The following ALDH16A1 variants were observed in gnomAD, a reference collection of about 807,000 sequenced individuals.
The protein encoded by ALDH16A1 is aldehyde dehydrogenase 16 family member A1, also known as aldehyde dehydrogenase family 16 member A1.
Under a neutral mutation model 96.1 loss-of-function variants are expected in ALDH16A1, and 88 were observed. The ratio of observed to expected loss-of-function variants is 0.92; its 90% CI spans 0.77 to 1.09. The LOEUF is 1.09. Among genes scored for constraint, ALDH16A1 ranks in the 50% least tolerant of loss-of-function variants. The pLI is 0.00. For missense variants in ALDH16A1, 1,250 were observed against 1,112.6 expected (o/e 1.12, Z -1.76); for synonymous variants, 522 against 496.4 (o/e 1.05, Z -0.69).
Position 49,461,794 on chromosome 19 carries a change from C to T in ALDH16A1, c.753C>T (p.Ala251=). Residue 251 remains alanine, a synonymous_variant, in exon 6 of 17, where the codon GCC becomes GCT. Transcript: ENST00000293350. The stretch of plus-strand genomic sequence containing the variant: ...TCCGGAAGGTGGCCTTCTGCGGAGC[C>T]CCGGAGGTACCTTCGGGACAGGGGT... The part of the protein sequence containing the change: ...PGIRKVAFCG[A]PEEGRALRRS... The T allele has an allele frequency of 1.2e-6, 2 of 1,610,804 alleles. No homozygotes were observed. Among genetic ancestry groups the T allele is most frequent in the South Asian group, 1.1e-5 (1 of 90,640 alleles).
chr19:49,468,695 C>A lies in ALDH16A1; in HGVS notation c.2124+129C>A. Reference sequence around the variant, plus strand: ...GTACCCATGCTGCCCCCAGCCCCAGCACCCAAACCTTCACTCCTTGGGGAC... The same window carrying A: ...GTACCCATGCTGCCCCCAGCCCCAGAACCCAAACCTTCACTCCTTGGGGAC... On this transcript the variant is annotated intron_variant, in intron 15 of 16. Transcript: ENST00000293350. This position sits in a 1 kb window ranked among gnomAD's most constrained non-coding sequence, Gnocchi z 4.4. 2 of 1,376,840 alleles carry A rather than the reference C, an allele frequency of 1.5e-6. No individual in the cohort carries two copies. Among genetic ancestry groups the A allele is most frequent in the Non-Finnish European group, 2.0e-6 (2 of 1,014,942 alleles). 85.3% of individuals were successfully genotyped at this position (1,376,840 alleles called of 1,614,324 possible).
At chr19:49,464,284 C>T (rs748810234) in intron 10 of ALDH16A1, 21 bp downstream of exon 10, 8 of 1,597,576 alleles carry the variant, frequency 5.0e-6, no homozygotes, top group East Asian at 2.2e-5. Context: ...GTGGCCCGGG[C>T]GCTCACTCCT....
At chr19:49,453,540 C>G in intron 1 of ALDH16A1, 119 bp downstream of exon 1, 1 of 960,364 alleles carries the variant, frequency 1.0e-6, no homozygotes, top group Non-Finnish European at 1.5e-6. Flanking sequence ...TCTTAGTCCC[C>G]GTGATTCCCG....
chr19:49,461,638 C>G lies in ALDH16A1; in HGVS notation c.597C>G (p.Leu199=), dbSNP rs1243835675. The G allele has an allele frequency of 1.9e-6, 3 of 1,596,092 alleles. No homozygotes were observed. The highest frequency in any genetic ancestry group is 2.6e-6 in the Non-Finnish European group (3 of 1,172,056). The stretch of plus-strand genomic sequence containing the variant: ...CCCCAGGCTGCACCGTGGTGGCCCT[C>G]GTGCCCCCGGCCTCCCCGGCGCCCC... ...ALAVGCTVVA[L]VPPASPAPLL... Residue 199 remains leucine (L), a synonymous_variant, in exon 6 of 17, where the codon CTC becomes CTG. Transcript: ENST00000293350.
At chr19:49,461,839 G>A (rs766942385) in intron 6 of ALDH16A1, 39 bp downstream of exon 6, 27 of 1,600,972 alleles carry the variant, frequency 1.7e-5, no homozygotes, top group East Asian at 2.3e-5. Flanking sequence ...ACGCGGCTGG[G>A]GGCCGCAAGG....
Position 49,459,048 on chromosome 19 carries a change from T to C in ALDH16A1, c.282T>C (p.Ser94=). 7 of 1,613,196 alleles carry C rather than the reference T, an allele frequency of 4.3e-6. No homozygotes were observed. Among genetic ancestry groups the C allele is most frequent in the Non-Finnish European group, 5.9e-6 (7 of 1,179,988 alleles). The change falls in exon 3 of 17, where the codon AGT becomes AGC. Residue 94 remains serine (S), a synonymous_variant. Transcript: ENST00000293350. The surrounding 1 kb of genome is among the most constrained non-coding windows in gnomAD (Gnocchi z 4.1). ...CCAGGATGGCATTTAAGGGCTGGAG[T>C]GCGCACCCCGGCGTCGTCCGGGCCC... The part of the protein sequence containing the change: ...EAARMAFKGW[S]AHPGVVRAQH...
chr19:49,455,416 CAA>C (rs10530269), intron 1 of ALDH16A1, among the ~76,000 whole-genome samples: 4 of 136,560 alleles, frequency 2.9e-5, no homozygotes, highest in African/African-American at 8.3e-5. Context: ...AACTCCATCT[CAA>C]AAAAAAAAAA....
Position 49,461,657 on chromosome 19 carries a change from G to T in ALDH16A1, c.616G>T (p.Ala206Ser). The change falls in exon 6 of 17, where the codon GCG becomes TCG. Residue 206 changes from alanine to serine, a missense_variant. Physicochemically the swap from Ala to Ser is moderately conservative, Grantham distance 99. Coordinates refer to ENST00000293350, the MANE Select transcript of ALDH16A1 (RefSeq NM_153329.4). Reference sequence around the variant, plus strand: ...GGCCCTCGTGCCCCCGGCCTCCCCGGCGCCCCTCCTCCTGGCCCAGCTGGC... The same window carrying T: ...GGCCCTCGTGCCCCCGGCCTCCCCGTCGCCCCTCCTCCTGGCCCAGCTGGC... ...VVALVPPASP[A>S]PLLLAQLAGE... 1 of 1,604,442 alleles carries T rather than the reference G, an allele frequency of 6.2e-7. No individual in the cohort carries two copies. The highest frequency in any genetic ancestry group is 8.5e-7 in the Non-Finnish European group (1 of 1,175,894).
At chr19:49,467,536 A>G (rs62128073) in intron 14 of ALDH16A1, among the ~76,000 whole-genome samples, 23,934 of 150,938 alleles carry the variant, frequency 0.16, 2,396 homozygotes, top group East Asian at 0.25. Context: ...CTGGGACTAC[A>G]GGTGCCCACC....
At position 49,459,228 on chromosome 19, in the gene ALDH16A1, T is replaced by A. The variant is rs1601021177; in HGVS notation, c.320+142T>A. The A allele has an allele frequency of 7.4e-7, 1 of 1,343,720 alleles. No individual in the cohort carries two copies. Among genetic ancestry groups the A allele is most frequent in the East Asian group, 2.5e-5 (1 of 40,580 alleles). The allele number at this position is 1,343,720 out of a possible 1,614,324, so 83.2% of individuals were successfully genotyped here. A position where few individuals can be genotyped will look rare whatever the true frequency, so the allele number is the denominator to read the frequency against. ...GATTCCCAGTATGTGCTGGAGGCAGTCGTGGCTGAAACATGCATCCGTTGT... is the reference window on the plus strand; with the variant it reads ...GATTCCCAGTATGTGCTGGAGGCAGACGTGGCTGAAACATGCATCCGTTGT... On this transcript the variant is annotated intron_variant, in intron 3 of 16. Transcript: ENST00000293350. This position sits in a 1 kb window ranked among gnomAD's most constrained non-coding sequence, Gnocchi z 4.1.
intron 4 of ALDH16A1, 90 bp from the exon 5 acceptor site, chr19:49,460,732 T>TTTCA: frequency 1.2e-6 from 1 of 848,800 alleles, no homozygotes; most frequent in Non-Finnish European, 1.8e-6. Flanking sequence ...TTTTTTTTCC[T>TTTCA]AATGTAGCCA....
chr19:49,466,067 G>T lies in ALDH16A1; in HGVS notation c.1737-15G>T. The T allele has an allele frequency of 6.5e-7, 1 of 1,540,582 alleles. No homozygotes were observed. Among genetic ancestry groups the T allele is most frequent in the South Asian group, 1.2e-5 (1 of 84,020 alleles). On this transcript the variant is annotated splice_polypyrimidine_tract_variant and intron_variant, in intron 13 of 16. Transcript: ENST00000293350. ...ACCAGGATGCCAACCCCCACTGTGCGCTGTCTGCCCACAGCTGGGCGGGCC... is the reference window on the plus strand; with the variant it reads ...ACCAGGATGCCAACCCCCACTGTGCTCTGTCTGCCCACAGCTGGGCGGGCC...
chr19:49,470,554 T>G lies in ALDH16A1; in HGVS notation c.*87T>G, dbSNP rs2079237419. 7.2e-7 allele frequency: 1 copy of G among 1,380,468 alleles called. No individual in the cohort carries two copies. Among genetic ancestry groups the G allele is most frequent in the Non-Finnish European group, 9.5e-7 (1 of 1,056,510 alleles). 85.5% of individuals were successfully genotyped at this position (1,380,468 alleles called of 1,614,324 possible). On this transcript the variant is annotated 3_prime_UTR_variant, in exon 17 of 17. Coordinates refer to ENST00000293350, the MANE Select transcript of ALDH16A1 (RefSeq NM_153329.4). ...ACACCTGGGACTTTCCCCTTCTGGTTCCTGTGTCTCCCAATAAACTCTCTG... is the reference window on the plus strand; with the variant it reads ...ACACCTGGGACTTTCCCCTTCTGGTGCCTGTGTCTCCCAATAAACTCTCTG...
In ALDH16A1 at chr19:49,461,067, GA is replaced by G. The variant is rs1356540013; in HGVS notation, c.577+169del. Among the ~76,000 whole-genome samples, 582 of 150,872 alleles carry G rather than the reference GA, an allele frequency of 3.9e-3. 62 individuals carry two copies. The highest frequency in any genetic ancestry group is 0.011 in the African/African-American group (465 of 40,926). ...TGAACTCCTAGGTCTGAGGGAGGAG[GA>G]GCTGGAGTCTGGACTCCTGAGTCTG... On this transcript the variant is annotated intron_variant, in intron 5 of 16. Transcript: ENST00000293350.
intron 4 of ALDH16A1, among the ~76,000 whole-genome samples, chr19:49,460,421 T>G (rs1448820692): frequency 6.6e-6 from 1 of 150,806 alleles, no homozygotes; most frequent in Non-Finnish European, 1.5e-5. Context: ...TTTTTGTTTT[T>G]TTTTTTTTTG....
chr19:49,468,798 C>G lies in ALDH16A1; in HGVS notation c.2125-66C>G. 6.4e-7 allele frequency: 1 copy of G among 1,560,882 alleles called. No homozygotes were observed. The highest frequency in any genetic ancestry group is 8.7e-7 in the Non-Finnish European group (1 of 1,145,584). On this transcript the variant is annotated intron_variant, in intron 15 of 16. Coordinates refer to ENST00000293350, the MANE Select transcript of ALDH16A1 (RefSeq NM_153329.4). The surrounding 1 kb of genome is among the most constrained non-coding windows in gnomAD (Gnocchi z 4.4). ...ATCCCCTTCCCTCCCATGGGCACCC[C>G]CTGAATGCCCACTCCTTGCCCTGCC...
intron 16 of ALDH16A1, chr19:49,470,008 G>A (rs2079231892): frequency 1.4e-5 from 4 of 286,524 alleles, no homozygotes; most frequent in South Asian, 1.2e-4. Context: ...GAGTCACCGC[G>A]CCCCACCGTC....
Position 49,459,931 on chromosome 19 carries a change from A to T in ALDH16A1, c.499+83A>T. On this transcript the variant is annotated intron_variant, in intron 4 of 16. Transcript: ENST00000293350. The surrounding 1 kb of genome is among the most constrained non-coding windows in gnomAD (Gnocchi z 4.1). ...AGTCCCCTCATTCTTTTTCTTTTAG[A>T]CAGAGTTTCGCTCTTGTCGCCCAGG... 1 of 1,476,174 alleles carries T rather than the reference A, an allele frequency of 6.8e-7. No homozygotes were observed. Among genetic ancestry groups the T allele is most frequent in the Admixed American group, 2.6e-5 (1 of 37,808 alleles). 91.4% of individuals were successfully genotyped at this position (1,476,174 alleles called of 1,614,324 possible).
Position 49,468,361 on chromosome 19 carries a change from T to G in ALDH16A1, c.1939-20T>G. 6.3e-7 allele frequency: 1 copy of G among 1,595,818 alleles called. No homozygotes were observed. Among genetic ancestry groups the G allele is most frequent in the Non-Finnish European group, 8.5e-7 (1 of 1,178,268 alleles). On this transcript the variant is annotated intron_variant, in intron 14 of 16. Coordinates refer to ENST00000293350, the MANE Select transcript of ALDH16A1 (RefSeq NM_153329.4). This position sits in a 1 kb window ranked among gnomAD's most constrained non-coding sequence, Gnocchi z 4.4. ...GGGCGGGGCTCCCCTGCCCCACACG[T>G]GACCCACCTGTCCCTGCAGGTAGCC...
Sources: gnomAD v4.1 joint callset for allele counts (sites outside exome capture counted in the v4.1 genomes callset) on GRCh38, gnomAD v4.1.1 for gene constraint, Gnocchi (gnomAD v3.1) non-coding constraint, MANE v1.5 for transcripts, NCBI Gene and HGNC (gene_info 2026-07-23, HGNC 2026-07-21) for gene names.